The following PODXL2 variants were observed in gnomAD, a reference collection of about 807,000 sequenced individuals.
PODXL2 encodes the protein podocalyxin like 2.
A neutral mutation model predicts 53.4 loss-of-function variants in PODXL2; 17 were observed. That is an observed-to-expected ratio of 0.32 (90% CI 0.22 to 0.48). The LOEUF is 0.48. PODXL2 is among the 20% of genes least tolerant of loss of function. The pLI, the probability that PODXL2 is intolerant of heterozygous loss-of-function variation, is 0.99. For synonymous variants in PODXL2, 311 were observed against 306.7 expected (o/e 1.01, Z -0.15); for missense variants, 673 against 760.0 (o/e 0.89, Z 1.35).
intron 2 of PODXL2, among the ~76,000 whole-genome samples, chr3:127,660,053 C>G (rs2107542494): frequency 6.6e-6 from 1 of 152,294 alleles, no homozygotes; most frequent in East Asian, 1.9e-4. Flanking sequence ...TGAGGACAAG[C>G]AAGCACATTA....
In PODXL2 at chr3:127,660,792, CGG is replaced by C; in HGVS notation, c.768_769del (p.Asp257ProfsTer66). 6.2e-7 allele frequency: 1 copy of C among 1,614,162 alleles called. No homozygotes were observed. Among genetic ancestry groups the C allele is most frequent in the Non-Finnish European group, 8.5e-7 (1 of 1,180,018 alleles). On this transcript the variant is annotated frameshift_variant, in exon 3 of 8. Coordinates refer to ENST00000342480, the MANE Select transcript of PODXL2 (RefSeq NM_015720.4). LOFTEE classifies it high-confidence loss of function. ...TCAGTCACCCCAACTACAGTGACTC[CGG>C]GGGACCAGGACTCCACCAGCCAAGA...
intron 2 of PODXL2, among the ~76,000 whole-genome samples, chr3:127,655,190 C>A (rs540920512): frequency 1.3e-5 from 2 of 152,032 alleles, no homozygotes; most frequent in South Asian, 2.1e-4. Context: ...TGATCCACCC[C>A]CCGCTTGGCC....
intron 1 of PODXL2, among the ~76,000 whole-genome samples, chr3:127,632,061 C>T (rs568856669): frequency 6.6e-6 from 1 of 152,264 alleles, no homozygotes; most frequent in South Asian, 2.1e-4. Context: ...CTCACTGGAG[C>T]CATGGAAATG....
rs559059983 is a variant in PODXL2, at chr3:127,660,939, C to T, written c.911C>T (p.Pro304Leu). The T allele has an allele frequency of 7.4e-6, 12 of 1,614,104 alleles. No homozygotes were observed. Among genetic ancestry groups the T allele is most frequent in the South Asian group, 4.4e-5 (4 of 91,092 alleles). The change falls in exon 3 of 8, where the codon CCG (proline) becomes CTG (leucine). Residue 304 changes from proline to leucine, a missense_variant. By Grantham distance (98) the Pro-to-Leu change is moderately conservative (BLOSUM62 -3). Coordinates refer to ENST00000342480, the MANE Select transcript of PODXL2 (RefSeq NM_015720.4). ...TTGTCTGGCCAGCACGAGGAGGTGC[C>T]GGCCTTGCCTTCATTCCCTCAAACC... Reference protein sequence around the residue: ...AGLSGQHEEVPALPSFPQTTA... With the variant: ...AGLSGQHEEVLALPSFPQTTA...
intron 1 of PODXL2, among the ~76,000 whole-genome samples, chr3:127,638,937 G>A (rs370300649): frequency 6.6e-6 from 1 of 152,122 alleles, no homozygotes; most frequent in Non-Finnish European, 1.5e-5. Context: ...AACAGAGAGA[G>A]GGTACTCAGG....
At chr3:127,668,637 T>G in intron 5 of PODXL2, 40 bp downstream of exon 5, 1 of 1,457,578 alleles carries the variant, frequency 6.9e-7, no homozygotes, top group Non-Finnish European at 9.1e-7. Context: ...AGGAGGGCAG[T>G]GGGAGGCGGG....
At chr3:127,665,769 T>C (rs1030929080) in intron 4 of PODXL2, among the ~76,000 whole-genome samples, 1 of 152,224 alleles carries the variant, frequency 6.6e-6, no homozygotes, top group African/African-American at 2.4e-5. Context: ...GACACAGTGA[T>C]GAGGCGCCAG....
chr3:127,644,181 T>C (rs1183034400), intron 2 of PODXL2, among the ~76,000 whole-genome samples: 1 of 152,160 alleles, frequency 6.6e-6, no homozygotes, highest in Non-Finnish European at 1.5e-5. Context: ...GTGTGATCTC[T>C]GCTTACTGCA....
chr3:127,662,340 A>G, intron 4 of PODXL2, 29 bp downstream of exon 4: 1 of 1,586,632 alleles, frequency 6.3e-7, no homozygotes, highest in Admixed American at 1.7e-5. Context: ...TCCGAACCGC[A>G]GGGAAAGGCT....
In PODXL2 at chr3:127,647,664, C is replaced by G. The variant is rs75157848; in HGVS notation, c.349+8141C>G. On this transcript the variant is annotated intron_variant, in intron 2 of 7. Coordinates refer to ENST00000342480, the MANE Select transcript of PODXL2 (RefSeq NM_015720.4). ...GCCCTGTCCCATCAGTCATGCTCGG[C>G]TTTCCCTTGCTGGCTTCGTTCTCAG... Among the ~76,000 whole-genome samples the G allele has an allele frequency of 2.8e-3, 428 of 152,342 alleles. 2 individuals carry two copies. Among genetic ancestry groups the G allele is most frequent in the African/African-American group, 9.5e-3 (394 of 41,584 alleles).
intron 2 of PODXL2, among the ~76,000 whole-genome samples, chr3:127,657,286 A>C (rs1304079822): frequency 6.6e-6 from 1 of 152,148 alleles, no homozygotes; most frequent in Non-Finnish European, 1.5e-5. Flanking sequence ...TTGCCCTCCC[A>C]GGACTTCCCC....
At chr3:127,649,842 CAGG>C (rs2074677900) in intron 2 of PODXL2, among the ~76,000 whole-genome samples, 1 of 152,156 alleles carries the variant, frequency 6.6e-6, no homozygotes, top group Non-Finnish European at 1.5e-5. Flanking sequence ...GAGGCTGAAG[CAGG>C]AGAATTGCTT....
At chr3:127,639,839 A>T (rs1213243774) in intron 2 of PODXL2, among the ~76,000 whole-genome samples, 2 of 151,990 alleles carry the variant, frequency 1.3e-5, no homozygotes, top group Non-Finnish European at 2.9e-5. Context: ...ACTGAGACTG[A>T]GAGGTTAAAA....
At position 127,663,018 on chromosome 3, in the gene PODXL2, G is replaced by C. The variant is rs2074776828; in HGVS notation, c.1206+707G>C. Among the ~76,000 whole-genome samples the C allele has an allele frequency of 2.0e-5, 3 of 152,142 alleles. No homozygotes were observed. In the South Asian group the frequency reaches 6.2e-4, roughly 32 times the overall value. On this transcript the variant is annotated intron_variant, in intron 4 of 7. Coordinates refer to ENST00000342480, the MANE Select transcript of PODXL2 (RefSeq NM_015720.4). The stretch of plus-strand genomic sequence containing the variant: ...TACTGTCTCTTCCTGTTTGCAGAGT[G>C]ACCTTCTCCCTCCCCAAAACACACA...
intron 1 of PODXL2, among the ~76,000 whole-genome samples, chr3:127,637,748 C>G (rs1234881747): frequency 6.6e-6 from 1 of 152,230 alleles, no homozygotes; most frequent in African/African-American, 2.4e-5. Context: ...GAATACACCC[C>G]TGTGGCTGGA....
chr3:127,640,735 T>C (rs561870614), intron 2 of PODXL2, among the ~76,000 whole-genome samples: 4 of 152,122 alleles, frequency 2.6e-5, no homozygotes, highest in Non-Finnish European at 4.4e-5. Context: ...AAATAAAAAC[T>C]ACCTATAACC....
At chr3:127,635,537 A>T (rs189049256) in intron 1 of PODXL2, among the ~76,000 whole-genome samples, 1 of 152,218 alleles carries the variant, frequency 6.6e-6, no homozygotes, top group Admixed American at 6.5e-5. Flanking sequence ...ATTTGTCTTA[A>T]TGTATCATTT....
At chr3:127,648,981 G>C (rs1576429882) in intron 2 of PODXL2, among the ~76,000 whole-genome samples, 2 of 151,990 alleles carry the variant, frequency 1.3e-5, no homozygotes, top group Admixed American at 1.3e-4. Context: ...CAGTAGAGAC[G>C]GGGTTTTGTC....
intron 2 of PODXL2, among the ~76,000 whole-genome samples, chr3:127,650,178 A>G (rs1576430284): frequency 2.6e-5 from 4 of 152,176 alleles, no homozygotes; most frequent in Admixed American, 2.0e-4. Flanking sequence ...TAGAAGAATC[A>G]GTTCATTGAT....
Sources: allele counts gnomAD v4.1 joint callset (sites outside exome capture counted in the v4.1 genomes callset), GRCh38; gene constraint gnomAD v4.1.1; transcripts MANE v1.5; gene names NCBI Gene and HGNC (gene_info 2026-07-23, HGNC 2026-07-21).